NDFIP1: variants seen among roughly 807,000 people sequenced by gnomAD.
NDFIP1 encodes the protein Nedd4 family interacting protein 1.
In NDFIP1, 7 loss-of-function variants were observed where a neutral mutation model predicts 28.8. That is an observed-to-expected ratio of 0.24 (90% CI 0.14 to 0.46). The LOEUF (loss-of-function observed/expected upper bound fraction) is 0.46, where lower values mean the gene tolerates loss of function less well. Ranked by LOEUF, NDFIP1 falls within the 20% of genes least tolerant of loss-of-function variation. The pLI is 0.99. For synonymous variants in NDFIP1, 92 were observed against 101.0 expected (o/e 0.91, Z 0.53); for missense variants, 194 against 269.1 (o/e 0.72, Z 1.95).
In NDFIP1 at chr5:142,152,504, A is replaced by G. The variant is rs544543091; in HGVS notation, c.*776A>G. The G allele has an allele frequency of 1.9e-5, 1 of 52,290 alleles. No homozygotes were observed. Among genetic ancestry groups the G allele is most frequent in the African/African-American group, 7.1e-5 (1 of 14,076 alleles). The allele number at this position is 52,290 out of a possible 1,614,324, so 3.2% of individuals were successfully genotyped here. A position where few individuals can be genotyped will look rare whatever the true frequency, so the allele number is the denominator to read the frequency against. ...GTTCTTCACCCCCACCCCCACCCCC[A>G]CCCCCCTTATTTTCCTTTTGTCTCC... On this transcript the variant is annotated 3_prime_UTR_variant, in exon 8 of 8. Coordinates refer to ENST00000253814, the MANE Select transcript of NDFIP1 (RefSeq NM_030571.4).
At chr5:142,147,865 C>G (rs1468999532) in intron 7 of NDFIP1, among the ~76,000 whole-genome samples, 2 of 152,156 alleles carry the variant, frequency 1.3e-5, no homozygotes, top group Non-Finnish European at 2.9e-5. Context: ...CAACCTGAAG[C>G]CATCAAAAGG....
chr5:142,152,039 G>A lies in NDFIP1; in HGVS notation c.*311G>A, dbSNP rs1301798042. 2 of 152,782 alleles carry A rather than the reference G, an allele frequency of 1.3e-5. No individual in the cohort carries two copies. Among genetic ancestry groups the A allele is most frequent in the Non-Finnish European group, 2.9e-5 (2 of 68,040 alleles). The allele number at this position is 152,782 out of a possible 1,614,324, so 9.5% of individuals were successfully genotyped here. A position where few individuals can be genotyped will look rare whatever the true frequency, so the allele number is the denominator to read the frequency against. ...AGTCATTTTAAGTAGCATGAGCCAT[G>A]TCCCTGTAGTCGGTAGGGGGCAGTC... On this transcript the variant is annotated 3_prime_UTR_variant, in exon 8 of 8. Transcript: ENST00000253814.
chr5:142,146,820 T>A (rs1189151753), intron 7 of NDFIP1, among the ~76,000 whole-genome samples: 1 of 152,216 alleles, frequency 6.6e-6, no homozygotes, highest in Non-Finnish European at 1.5e-5. Flanking sequence ...CGTCTCAGTT[T>A]TCCTGTGTTG....
intron 1 of NDFIP1, among the ~76,000 whole-genome samples, chr5:142,117,356 G>A (rs1374643518): frequency 2.0e-5 from 3 of 150,682 alleles, no homozygotes; most frequent in South Asian, 4.2e-4. Context: ...TGATTCTCCT[G>A]CCTCAGTCTC....
At chr5:142,134,868 A>G (rs1757258463) in intron 3 of NDFIP1, among the ~76,000 whole-genome samples, 1 of 152,246 alleles carries the variant, frequency 6.6e-6, no homozygotes, top group African/African-American at 2.4e-5. Flanking sequence ...ATACCAATAC[A>G]AATACATGCT....
chr5:142,124,875 G>C (rs1757155511), intron 1 of NDFIP1, among the ~76,000 whole-genome samples: 2 of 152,018 alleles, frequency 1.3e-5, no homozygotes, highest in African/African-American at 4.8e-5. Flanking sequence ...GCCCAGGCGG[G>C]AGTGCAGTGG....
chr5:142,140,351 G>T (rs988067565), intron 5 of NDFIP1, among the ~76,000 whole-genome samples: 69 of 151,982 alleles, frequency 4.5e-4, no homozygotes, highest in African/African-American at 1.6e-3. Context: ...GGGAGGCTGA[G>T]GCAGGAGAAT....
At chr5:142,126,203 A>C (rs1384778927) in intron 1 of NDFIP1, among the ~76,000 whole-genome samples, 1 of 152,200 alleles carries the variant, frequency 6.6e-6, no homozygotes, top group Non-Finnish European at 1.5e-5. Context: ...ACTTTTTGTA[A>C]TTATACTGCC....
At chr5:142,126,990 G>GAA (rs35952555) in intron 1 of NDFIP1, among the ~76,000 whole-genome samples, 1 of 150,932 alleles carries the variant, frequency 6.6e-6, no homozygotes, top group African/African-American at 2.4e-5. Flanking sequence ...GATAAGGAGG[G>GAA]AAAAAAAAAC....
chr5:142,142,642 G>A (rs1484368304), intron 6 of NDFIP1, among the ~76,000 whole-genome samples: 3 of 152,004 alleles, frequency 2.0e-5, no homozygotes, highest in Non-Finnish European at 4.4e-5. Flanking sequence ...AAAAATAAGA[G>A]TTTGGCCCGG....
intron 7 of NDFIP1, 99 bp downstream of exon 7, chr5:142,144,775 A>C (rs577219712): frequency 2.9e-6 from 2 of 694,768 alleles, no homozygotes; most frequent in South Asian, 4.7e-5. Flanking sequence ...AGGGGCATAT[A>C]GAGAAAGTAA....
intron 1 of NDFIP1, among the ~76,000 whole-genome samples, chr5:142,115,004 C>G (rs1757050883): frequency 6.6e-6 from 1 of 152,190 alleles, no homozygotes; most frequent in African/African-American, 2.4e-5. Flanking sequence ...GGGAATTTTG[C>G]TCTAAGCTGA....
chr5:142,112,695 G>C (rs1055772730), intron 1 of NDFIP1, among the ~76,000 whole-genome samples: 2 of 149,474 alleles, frequency 1.3e-5, no homozygotes, highest in South Asian at 2.1e-4. Context: ...TCGGGAGGCT[G>C]AGGCAGGAGA....
chr5:142,123,554 G>T (rs1443878687), intron 1 of NDFIP1, among the ~76,000 whole-genome samples: 1 of 152,072 alleles, frequency 6.6e-6, no homozygotes, highest in African/African-American at 2.4e-5. Flanking sequence ...GAGCTTGTTT[G>T]TGCTTCCATG....
chr5:142,114,341 C>T (rs1301688101), intron 1 of NDFIP1, among the ~76,000 whole-genome samples: 1 of 152,070 alleles, frequency 6.6e-6, no homozygotes, highest in Non-Finnish European at 1.5e-5. Context: ...TTTTCATGTG[C>T]TTATTGGCCA....
At position 142,135,731 on chromosome 5, in the gene NDFIP1, A is replaced by T; in HGVS notation, c.284A>T (p.Asp95Val). ...ATAATTCTTTTTCTTTTCATTTAGGATGAGGATTTTGTGGGTCGGGATGAT... is the reference window on the plus strand; with the variant it reads ...ATAATTCTTTTTCTTTTCATTTAGGTTGAGGATTTTGTGGGTCGGGATGAT... ...EATIPLVPGR[D>V]EDFVGRDDFD... is the part of the protein sequence containing the mutation. The change falls in exon 4 of 8, where the codon GAT (aspartate) becomes GTT (valine). Residue 95 changes from aspartate (D) to valine (V), a missense_variant and splice_region_variant. By Grantham distance (152) the Asp-to-Val change is radical. Coordinates refer to ENST00000253814, the MANE Select transcript of NDFIP1 (RefSeq NM_030571.4). The T allele has an allele frequency of 3.1e-6, 5 of 1,612,356 alleles. No homozygotes were observed. The highest frequency in any genetic ancestry group is 4.2e-6 in the Non-Finnish European group (5 of 1,178,942).
At chr5:142,144,459 A>T (rs949390105) in intron 6 of NDFIP1, 112 bp from the exon 7 acceptor site, 1 of 770,320 alleles carries the variant, frequency 1.3e-6, no homozygotes, top group Non-Finnish European at 2.2e-6. Context: ...TAATGTTTTG[A>T]TTACCTTTAG....
chr5:142,121,500 T>C (rs1265600509), intron 1 of NDFIP1, among the ~76,000 whole-genome samples: 3 of 152,338 alleles, frequency 2.0e-5, no homozygotes, highest in Middle Eastern at 3.4e-3. Flanking sequence ...ATCCAAATCA[T>C]AGCAATCTTT....
chr5:142,109,252 G>T (rs556493765), intron 1 of NDFIP1, among the ~76,000 whole-genome samples: 1 of 152,326 alleles, frequency 6.6e-6, no homozygotes, highest in East Asian at 1.9e-4. Context: ...GACTCCGGCG[G>T]TGGAAAGTCC....
Sources: gnomAD v4.1 joint callset for allele counts (sites outside exome capture counted in the v4.1 genomes callset) on GRCh38, gnomAD v4.1.1 for gene constraint, MANE v1.5 for transcripts, NCBI Gene and HGNC (gene_info 2026-07-23, HGNC 2026-07-21) for gene names.